TYW1: variants seen among roughly 807,000 people sequenced by gnomAD.
The protein encoded by TYW1 is tRNA-yW synthesizing protein 1 homolog.
A neutral mutation model predicts 96.2 loss-of-function variants in TYW1; 46 were observed. The ratio of observed to expected loss-of-function variants is 0.48; its 90% CI spans 0.38 to 0.61. The LOEUF is 0.61. Ranked by LOEUF, TYW1 falls within the 20% of genes least tolerant of loss-of-function variation. The pLI, the probability that TYW1 is intolerant of heterozygous loss-of-function variation, is 0.00. For synonymous variants in TYW1, 274 were observed against 323.0 expected, an observed-to-expected ratio of 0.85 and a Z score of 1.63; for missense variants, 684 against 909.6, an observed-to-expected ratio of 0.75 and a Z score of 3.19.
In TYW1 at chr7:67,177,806, C is replaced by A. The variant is rs183730387; in HGVS notation, c.1699-5320C>A. On this transcript the variant is annotated intron_variant, in intron 13 of 15. Transcript: ENST00000359626. ...TCGAATGTATACATATCCCCCATGACCCAGCATGTCCATATTTAGGTAGAT... is the reference window on the plus strand; with the variant it reads ...TCGAATGTATACATATCCCCCATGAACCAGCATGTCCATATTTAGGTAGAT... Among the ~76,000 whole-genome samples, 330 of 152,012 alleles carry A rather than the reference C, an allele frequency of 2.2e-3. 6 individuals are homozygous for A. In the East Asian group the frequency reaches 0.047, roughly 22 times the overall value.
intron 14 of TYW1, among the ~76,000 whole-genome samples, chr7:67,191,570 G>A (rs1227406729): frequency 7.0e-6 from 1 of 143,790 alleles, no homozygotes; most frequent in Non-Finnish European, 1.5e-5. Context: ...GAGGGTGAGA[G>A]TGGGTGAGAA....
chr7:67,199,780 A>C (rs12536715), intron 15 of TYW1, among the ~76,000 whole-genome samples: 6,145 of 152,216 alleles, frequency 0.04, 183 homozygotes, highest in Middle Eastern at 0.099. Context: ...TAAATCCCTC[A>C]TATCCTTATT....
At position 67,138,700 on chromosome 7, in the gene TYW1, G is replaced by C. The variant is rs911018885; in HGVS notation, c.1698+21082G>C. ...ATGAGTTGAATTGTTTTGATTTTTC[G>C]ATCCCACAGTTAAGTGAGAACATGC... On this transcript the variant is annotated intron_variant, in intron 13 of 15. Coordinates refer to ENST00000359626, the MANE Select transcript of TYW1 (RefSeq NM_018264.4). Among the ~76,000 whole-genome samples the C allele has an allele frequency of 2.0e-5, 3 of 151,868 alleles. No homozygotes were observed. In the South Asian group the frequency reaches 6.2e-4, roughly 32 times the overall value.
At chr7:67,083,181 C>G (rs184229389) in intron 10 of TYW1, among the ~76,000 whole-genome samples, 2 of 152,270 alleles carry the variant, frequency 1.3e-5, no homozygotes, top group East Asian at 3.9e-4. Flanking sequence ...TTCTGTCAAC[C>G]TGTAACTGGA....
chr7:67,103,546 C>A (rs879479864), intron 12 of TYW1, among the ~76,000 whole-genome samples: 1 of 152,168 alleles, frequency 6.6e-6, no homozygotes, highest in African/African-American at 2.4e-5. Context: ...GGACTTGAGG[C>A]CTCTCCGAAT....
chr7:67,167,200 C>T (rs573078634), intron 13 of TYW1, among the ~76,000 whole-genome samples: 2 of 152,066 alleles, frequency 1.3e-5, no homozygotes, highest in South Asian at 2.1e-4. Context: ...CCGGGCGCGG[C>T]GGCTCACGCC....
chr7:67,162,256 C>G (rs974179738), intron 13 of TYW1, among the ~76,000 whole-genome samples: 4 of 146,276 alleles, frequency 2.7e-5, no homozygotes, highest in African/African-American at 7.5e-5. Context: ...AGAGCTTGCA[C>G]TGAGCCAAGA....
chr7:67,073,300 T>C (rs1796091316), intron 10 of TYW1, among the ~76,000 whole-genome samples: 1 of 152,114 alleles, frequency 6.6e-6, no homozygotes, highest in African/African-American at 2.4e-5. Flanking sequence ...TGCTGGTATC[T>C]GGTGGGTAGA....
intron 13 of TYW1, among the ~76,000 whole-genome samples, chr7:67,140,822 A>G (rs1185785807): frequency 6.6e-6 from 1 of 152,236 alleles, no homozygotes; most frequent in Non-Finnish European, 1.5e-5. Context: ...ATTATTTATA[A>G]TAGCAGAAGA....
At chr7:67,080,345 TAC>T (rs1796341280) in intron 10 of TYW1, among the ~76,000 whole-genome samples, 1 of 152,176 alleles carries the variant, frequency 6.6e-6, no homozygotes, top group Non-Finnish European at 1.5e-5. Flanking sequence ...GGTCTCATTT[TAC>T]AGTTTCTGAC....
At chr7:67,071,253 T>A (rs1323097732) in intron 10 of TYW1, among the ~76,000 whole-genome samples, 1 of 152,106 alleles carries the variant, frequency 6.6e-6, no homozygotes, top group South Asian at 2.1e-4. Flanking sequence ...GTTTAGTGAG[T>A]TTTCTAAACT....
chr7:67,085,672 G>T (rs1796526715), intron 11 of TYW1, among the ~76,000 whole-genome samples: 2 of 152,194 alleles, frequency 1.3e-5, no homozygotes, highest in South Asian at 2.1e-4. Flanking sequence ...ATTTATAAAA[G>T]ATAATTATTC....
At position 67,210,839 on chromosome 7, in the gene TYW1, TATCA is replaced by T. The variant is rs549324204; in HGVS notation, c.1977+15506_1977+15509del. Among the ~76,000 whole-genome samples, 3 of 150,208 alleles carry T rather than the reference TATCA, an allele frequency of 2.0e-5. No individual in the cohort carries two copies. The South Asian group carries it at 6.4e-4, about 32-fold the overall frequency. On this transcript the variant is annotated intron_variant, in intron 15 of 15. Coordinates refer to ENST00000359626, the MANE Select transcript of TYW1 (RefSeq NM_018264.4). ...GCTAATCTCTGTCTATTCATCCATCTATCAATCCATCCATCCACCTTCTATCATC... is the reference window on the plus strand; with the variant it reads ...GCTAATCTCTGTCTATTCATCCATCTATCCATCCATCCACCTTCTATCATC...
At chr7:67,189,726 C>G (rs762804323) in intron 14 of TYW1, among the ~76,000 whole-genome samples, 37 of 152,078 alleles carry the variant, frequency 2.4e-4, no homozygotes, top group Non-Finnish European at 4.4e-5. Context: ...TTTTAGATCA[C>G]TTTCCATTAA....
At chr7:67,076,480 ATT>A (rs879917948) in intron 10 of TYW1, among the ~76,000 whole-genome samples, 1 of 141,276 alleles carries the variant, frequency 7.1e-6, no homozygotes. Context: ...TGGTATGTGA[ATT>A]TTTTTTTTTT....
chr7:67,040,437 A>G (rs1414752418), intron 7 of TYW1, among the ~76,000 whole-genome samples: 8 of 152,008 alleles, frequency 5.3e-5, no homozygotes. Flanking sequence ...GTGTAATGTT[A>G]TGACTCTTAA....
intron 1 of TYW1, among the ~76,000 whole-genome samples, chr7:66,997,680 G>A (rs4718439): frequency 0.44 from 64,011 of 146,536 alleles, 14,066 homozygotes; most frequent in East Asian, 0.59. Context: ...CCAGGCTGGA[G>A]TGCGGTGGCG....
intron 6 of TYW1, among the ~76,000 whole-genome samples, chr7:67,020,137 A>G (rs538275642): frequency 1.3e-5 from 2 of 152,404 alleles, no homozygotes; most frequent in African/African-American, 4.8e-5. Flanking sequence ...ACACTTTGGG[A>G]GGCCAAGGTG....
intron 13 of TYW1, among the ~76,000 whole-genome samples, chr7:67,157,838 T>C (rs943989344): frequency 6.6e-6 from 1 of 152,178 alleles, no homozygotes; most frequent in African/African-American, 2.4e-5. Flanking sequence ...CTGATACTTT[T>C]CTTGTGATGA....
Sources: allele counts gnomAD v4.1 joint callset (sites outside exome capture counted in the v4.1 genomes callset), GRCh38; gene constraint gnomAD v4.1.1; transcripts MANE v1.5; gene names NCBI Gene and HGNC (gene_info 2026-07-23, HGNC 2026-07-21).